The following ZFAT variants were observed in gnomAD, a reference collection of about 807,000 sequenced individuals.
The protein encoded by ZFAT is zinc finger and AT-hook domain containing.
In ZFAT, 64 loss-of-function variants were observed where a neutral mutation model predicts 117.7. That is an observed-to-expected ratio of 0.54 (90% CI 0.44 to 0.67). ZFAT has a LOEUF of 0.67. Among genes scored for constraint, ZFAT ranks in the 30% least tolerant of loss-of-function variants. The pLI is 0.00. For missense variants in ZFAT, 1,433 were observed against 1,584.5 expected (o/e 0.90, Z 1.62); for synonymous variants, 679 against 615.0 (o/e 1.10, Z -1.54).
At chr8:134,742,831 C>A in the ZFAT span, among the ~76,000 whole-genome samples, 1 of 152,178 alleles carries the variant, frequency 6.6e-6, no homozygotes, top group Admixed American at 6.5e-5. Context: ...CCACTCTGGC[C>A]CTGAGTGGCG....
At chr8:134,790,427 C>G in the ZFAT span, among the ~76,000 whole-genome samples, 3 of 152,268 alleles carry the variant, frequency 2.0e-5, no homozygotes, top group Admixed American at 2.0e-4. Flanking sequence ...GTTAATATAA[C>G]AGAAGCTGGC....
chr8:134,756,474 C>A, the ZFAT span, among the ~76,000 whole-genome samples: 2 of 152,200 alleles, frequency 1.3e-5, no homozygotes, highest in South Asian at 2.1e-4. Flanking sequence ...AACTCACTGC[C>A]CTCCCCGTTC....
intron 11 of ZFAT, among the ~76,000 whole-genome samples, chr8:134,560,434 A>G (rs1716716012): frequency 6.6e-6 from 1 of 152,252 alleles, no homozygotes; most frequent in Admixed American, 6.5e-5. Context: ...TCCCTTTTAA[A>G]TGAAAAGATA....
chr8:134,676,326 A>C (rs1026315805), intron 1 of ZFAT, among the ~76,000 whole-genome samples: 3 of 152,238 alleles, frequency 2.0e-5, no homozygotes, highest in Admixed American at 2.0e-4. Context: ...CTTTAAACCA[A>C]CAAAGATCAA....
intron 1 of ZFAT, among the ~76,000 whole-genome samples, chr8:134,659,035 G>A (rs190617462): frequency 6.6e-6 from 1 of 152,176 alleles, no homozygotes; most frequent in South Asian, 2.1e-4. Context: ...GGCTCCCTTC[G>A]GCATCCCCCT....
intron 2 of ZFAT, among the ~76,000 whole-genome samples, chr8:134,638,593 G>C (rs1285878337): frequency 6.7e-6 from 1 of 150,208 alleles, no homozygotes; most frequent in Admixed American, 6.6e-5. Context: ...ACCAGGCGTG[G>C]TGGCGGGCAC....
chr8:134,781,393 C>T, the ZFAT span, among the ~76,000 whole-genome samples: 1 of 152,110 alleles, frequency 6.6e-6, no homozygotes, highest in Non-Finnish European at 1.5e-5. Flanking sequence ...AGGAATACCA[C>T]TTTTATCTTA....
At chr8:134,740,652 G>A in the ZFAT span, among the ~76,000 whole-genome samples, 8 of 152,092 alleles carry the variant, frequency 5.3e-5, no homozygotes, top group Non-Finnish European at 1.2e-4. Context: ...CAAAGCACAA[G>A]GGCCGCTCAC....
intron 14 of ZFAT, among the ~76,000 whole-genome samples, chr8:134,511,537 A>C (rs1232188272): frequency 6.6e-6 from 1 of 152,124 alleles, no homozygotes; most frequent in African/African-American, 2.4e-5. Flanking sequence ...CTTTCTTACA[A>C]TCTGGAGTTT....
chr8:134,509,981 T>C (rs1404255106), intron 14 of ZFAT: 2 of 551,648 alleles, frequency 3.6e-6, no homozygotes, highest in East Asian at 4.2e-5. Flanking sequence ...GGATGGGACA[T>C]TGAGACGTTA....
chr8:134,654,076 C>G (rs1831445097), intron 2 of ZFAT, among the ~76,000 whole-genome samples: 1 of 152,124 alleles, frequency 6.6e-6, no homozygotes, highest in Admixed American at 6.5e-5. Flanking sequence ...GCAAGTGGAT[C>G]ACCTGAAGTC....
intron 15 of ZFAT, among the ~76,000 whole-genome samples, chr8:134,494,861 C>G (rs1296658896): frequency 6.6e-6 from 1 of 152,212 alleles, no homozygotes; most frequent in African/African-American, 2.4e-5. Context: ...GTTTTGAGCA[C>G]CAGTGAAGCT....
At chr8:134,648,616 C>A (rs1023883301) in intron 2 of ZFAT, among the ~76,000 whole-genome samples, 1 of 151,872 alleles carries the variant, frequency 6.6e-6, no homozygotes, top group African/African-American at 2.4e-5. Flanking sequence ...TCAAAAATAG[C>A]AAAGATGCAT....
chr8:134,487,261 C>T (rs1443277502), intron 15 of ZFAT, among the ~76,000 whole-genome samples: 1 of 152,204 alleles, frequency 6.6e-6, no homozygotes, highest in Admixed American at 6.5e-5. Context: ...TCTTTCTCTT[C>T]TGTAGCCTGT....
intron 10 of ZFAT, among the ~76,000 whole-genome samples, chr8:134,575,432 G>T (rs1825227723): frequency 6.6e-6 from 1 of 152,148 alleles, no homozygotes; most frequent in South Asian, 2.1e-4. Flanking sequence ...TGAATGTGAA[G>T]GAAAAGGTCC....
intron 10 of ZFAT, among the ~76,000 whole-genome samples, chr8:134,582,597 G>A (rs1397231776): frequency 1.3e-5 from 2 of 150,376 alleles, no homozygotes; most frequent in African/African-American, 5.0e-5. Flanking sequence ...TTTTGATTAT[G>A]GATTTTTTTT....
intron 1 of ZFAT, among the ~76,000 whole-genome samples, chr8:134,696,275 CAGCCCCTG>C (rs1470634915): frequency 6.6e-6 from 1 of 152,238 alleles, no homozygotes; most frequent in Admixed American, 6.5e-5. Context: ...CCAACCAAGG[CAGCCCCTG>C]AGTCCCAGGC....
At chr8:134,660,827 A>G (rs988818824) in intron 1 of ZFAT, among the ~76,000 whole-genome samples, 2 of 152,246 alleles carry the variant, frequency 1.3e-5, no homozygotes, top group African/African-American at 4.8e-5. Flanking sequence ...TTGCATTTGT[A>G]TATGACAAAG....
the ZFAT span, among the ~76,000 whole-genome samples, chr8:134,826,110 A>G: frequency 1.8e-4 from 28 of 152,296 alleles, no homozygotes; most frequent in African/African-American, 5.1e-4. Context: ...TATTTACTCA[A>G]TCGAACACTT....
Sources: allele counts gnomAD v4.1 joint callset (sites outside exome capture counted in the v4.1 genomes callset), GRCh38; gene constraint gnomAD v4.1.1; transcripts MANE v1.5; gene names NCBI Gene and HGNC (gene_info 2026-07-23, HGNC 2026-07-21).